ASXL2: variants seen among roughly 807,000 people sequenced by gnomAD.
ASXL2 encodes ASXL transcriptional regulator 2, also known as putative Polycomb group protein ASXL2.
ASXL2 carries 23 observed loss-of-function variants against 122.0 expected under a neutral mutation model. The observed-to-expected ratio is 0.19, with a 90% CI of 0.14 to 0.27. ASXL2 has a LOEUF of 0.27. Among genes scored for constraint, ASXL2 ranks in the 10% least tolerant of loss-of-function variants. ASXL2 has a pLI of 1.00. For missense variants in ASXL2, 1,518 were observed against 1,713.8 expected (o/e 0.89, Z 2.02); for synonymous variants, 650 against 637.0 (o/e 1.02, Z -0.31).
chr2:25,874,435 G>A (rs886800981), intron 1 of ASXL2, among the ~76,000 whole-genome samples: 5 of 152,016 alleles, frequency 3.3e-5, no homozygotes, highest in African/African-American at 1.2e-4. Flanking sequence ...GTTGCAGTGA[G>A]CCAAGATCAC....
At chr2:25,808,206 T>C (rs2089113594) in intron 3 of ASXL2, among the ~76,000 whole-genome samples, 1 of 152,128 alleles carries the variant, frequency 6.6e-6, no homozygotes, top group African/African-American at 2.4e-5. Flanking sequence ...AGTCATTGTG[T>C]GACCACAAAG....
intron 1 of ASXL2, among the ~76,000 whole-genome samples, chr2:25,848,001 G>A (rs758817887): frequency 3.9e-5 from 6 of 151,940 alleles, no homozygotes; most frequent in Non-Finnish European, 8.8e-5. Context: ...TTTTAATGTG[G>A]GTTTTTTCCT....
chr2:25,783,404 TAA>T (rs1193807469), intron 5 of ASXL2, among the ~76,000 whole-genome samples: 5 of 143,862 alleles, frequency 3.5e-5, no homozygotes, highest in African/African-American at 2.5e-5. Context: ...TTTTTTCCTT[TAA>T]AAAAAAAAAA....
At chr2:25,772,563 C>T (rs2088473495) in intron 5 of ASXL2, among the ~76,000 whole-genome samples, 1 of 151,862 alleles carries the variant, frequency 6.6e-6, no homozygotes, top group African/African-American at 2.4e-5. Flanking sequence ...GAAACCCTAT[C>T]TCTACTAAAA....
intron 3 of ASXL2, among the ~76,000 whole-genome samples, chr2:25,808,776 G>T (rs2089121467): frequency 6.6e-6 from 1 of 152,150 alleles, no homozygotes; most frequent in South Asian, 2.1e-4. Context: ...CTTTCTCCCA[G>T]TTGGCCCCAA....
intron 5 of ASXL2, among the ~76,000 whole-genome samples, chr2:25,779,250 C>A (rs1328739258): frequency 1.3e-5 from 2 of 151,838 alleles, no homozygotes; most frequent in African/African-American, 4.8e-5. Flanking sequence ...GCGCCCACCA[C>A]CATGCCTACC....
intron 1 of ASXL2, among the ~76,000 whole-genome samples, chr2:25,875,090 A>G (rs893779735): frequency 6.6e-6 from 1 of 152,192 alleles, no homozygotes; most frequent in African/African-American, 2.4e-5. Flanking sequence ...AAAAAAAGAA[A>G]AAGTAAAACA....
At chr2:25,766,963 C>T (rs2088364308) in intron 8 of ASXL2, among the ~76,000 whole-genome samples, 2 of 152,180 alleles carry the variant, frequency 1.3e-5, no homozygotes, top group African/African-American at 2.4e-5. Context: ...GTTCTGCAAC[C>T]TTATGTGGCT....
At chr2:25,769,510 T>C (rs1269821960) in intron 6 of ASXL2, among the ~76,000 whole-genome samples, 1 of 152,164 alleles carries the variant, frequency 6.6e-6, no homozygotes. Flanking sequence ...GTGTGGTTCC[T>C]TCTGTCTACT....
At chr2:25,864,155 A>T (rs2089872247) in intron 1 of ASXL2, among the ~76,000 whole-genome samples, 1 of 152,146 alleles carries the variant, frequency 6.6e-6, no homozygotes, top group African/African-American at 2.4e-5. Flanking sequence ...TTAACGGTGG[A>T]GCACTGGGCA....
At position 25,767,691 on chromosome 2, in the gene ASXL2, C is replaced by T. The variant is rs368981477; in HGVS notation, c.667G>A (p.Gly223Ser). 2.2e-5 allele frequency: 35 copies of T among 1,613,782 alleles called. No homozygotes were observed. Among genetic ancestry groups the T allele is most frequent in the Non-Finnish European group, 2.8e-5 (33 of 1,179,862 alleles). The change falls in exon 8 of 13, where the codon GGC becomes AGC. Residue 223 changes from glycine to serine, a missense_variant. Gly to Ser is a moderately conservative substitution (Grantham distance 56). This residue lies in a region of ASXL2 where 198 missense variants were observed against 209.0 expected (regional missense o/e 0.95). Transcript: ENST00000435504. Reference protein sequence around the residue: ...WEGKQSDGQTGSPQNSNSSFS... With the variant: ...WEGKQSDGQTSSPQNSNSSFS... Reference sequence around the variant, plus strand: ...CTGGAGTTTGAGTTTTGAGGGCTGCCTGTCTGTCCATCAGATTGCTTTCCT... The same window carrying T: ...CTGGAGTTTGAGTTTTGAGGGCTGCTTGTCTGTCCATCAGATTGCTTTCCT...
At chr2:25,841,244 T>C (rs149340052) in intron 2 of ASXL2, among the ~76,000 whole-genome samples, 65 of 152,260 alleles carry the variant, frequency 4.3e-4, no homozygotes, top group African/African-American at 1.6e-3. Context: ...TGCATTAAGC[T>C]GAGATTGCAC....
In ASXL2 at chr2:25,783,224, C is replaced by T. The variant is rs149114552; in HGVS notation, c.404-11684G>A. Among the ~76,000 whole-genome samples the T allele has an allele frequency of 4.9e-4, 75 of 152,262 alleles. No homozygotes were observed. In the East Asian group the frequency reaches 0.014, roughly 28 times the overall value. On this transcript the variant is annotated intron_variant, in intron 5 of 12. Transcript: ENST00000435504. ...GTTCTTTTGAAGGGGAGTTCTAACA[C>T]AGGTCTACTTCTATGAAACTCTATT...
intron 1 of ASXL2, among the ~76,000 whole-genome samples, chr2:25,872,160 T>C (rs796497647): frequency 6.2e-4 from 94 of 152,276 alleles, no homozygotes; most frequent in African/African-American, 2.1e-3. Context: ...TTTGGGTCCA[T>C]TGCGAGAGCC....
In ASXL2 at chr2:25,736,007, T is replaced by G. The variant is rs1314803960; in HGVS notation, c.*6022A>C. ...AGTCACTACTTTAGGAAAACCTTTCTGCAACTTACATGACTATTTTTGCTT... is the reference window on the plus strand; with the variant it reads ...AGTCACTACTTTAGGAAAACCTTTCGGCAACTTACATGACTATTTTTGCTT... On this transcript the variant is annotated 3_prime_UTR_variant, in exon 13 of 13. Transcript: ENST00000435504. The G allele has an allele frequency of 6.6e-6, 1 of 152,254 alleles. No individual in the cohort carries two copies. Among genetic ancestry groups the G allele is most frequent in the African/African-American group, 2.4e-5 (1 of 41,474 alleles). The allele number at this position is 152,254 out of a possible 1,614,324, so 9.4% of individuals were successfully genotyped here. A position where few individuals can be genotyped will look rare whatever the true frequency, so the allele number is the denominator to read the frequency against.
intron 5 of ASXL2, among the ~76,000 whole-genome samples, chr2:25,784,005 G>C (rs549335565): frequency 7.9e-5 from 12 of 151,626 alleles, no homozygotes; most frequent in Non-Finnish European, 1.3e-4. Flanking sequence ...AGTGAGCTGA[G>C]ATCACACCAC....
chr2:25,784,053 CTAAATAAATAAA>C (rs59180424), intron 5 of ASXL2, among the ~76,000 whole-genome samples: 22,336 of 138,300 alleles, frequency 0.16, 2,170 homozygotes, highest in Non-Finnish European at 0.22. Flanking sequence ...AACTCCATCT[CTAAATAAATAAA>C]TAAATAAATA....
At chr2:25,821,629 T>C (rs961213116) in intron 3 of ASXL2, among the ~76,000 whole-genome samples, 1 of 152,150 alleles carries the variant, frequency 6.6e-6, no homozygotes, top group African/African-American at 2.4e-5. Context: ...TGTTCCCATA[T>C]TTTCTATGAA....
intron 1 of ASXL2, among the ~76,000 whole-genome samples, chr2:25,848,059 G>T (rs867849141): frequency 6.6e-6 from 1 of 152,012 alleles, no homozygotes; most frequent in Non-Finnish European, 1.5e-5. Context: ...CCATGAAATG[G>T]CTATGTATGC....
Sources: allele counts gnomAD v4.1 joint callset (sites outside exome capture counted in the v4.1 genomes callset), GRCh38; gene constraint gnomAD v4.1.1; regional missense constraint gnomAD v4.1.1; transcripts MANE v1.5; gene names NCBI Gene and HGNC (gene_info 2026-07-23, HGNC 2026-07-21).